The following SGCZ variants were observed in gnomAD, a reference collection of about 807,000 sequenced individuals.
SGCZ encodes sarcoglycan zeta.
Under a neutral mutation model 41.3 loss-of-function variants are expected in SGCZ, and 40 were observed. The ratio of observed to expected loss-of-function variants is 0.97; its 90% CI spans 0.75 to 1.26. The LOEUF (loss-of-function observed/expected upper bound fraction) is 1.26. SGCZ is among the 50% of genes most tolerant of loss of function. The pLI is 0.00. For synonymous variants in SGCZ, 206 were observed against 137.5 expected, an observed-to-expected ratio of 1.50 and a Z score of -3.49; for missense variants, 552 against 369.8, an observed-to-expected ratio of 1.49 and a Z score of -4.04.
intron 1 of SGCZ, among the ~76,000 whole-genome samples, chr8:15,190,948 G>A: frequency 6.6e-6 from 1 of 151,982 alleles, no homozygotes; most frequent in East Asian, 1.9e-4. Context: ...CTTTTCTCAA[G>A]AGTGGACTAT....
intron 1 of SGCZ, among the ~76,000 whole-genome samples, chr8:14,819,830 C>G (rs776904078): frequency 6.6e-6 from 1 of 151,728 alleles, no homozygotes; most frequent in Non-Finnish European, 1.5e-5. Flanking sequence ...TATGTTAGCA[C>G]AATAGTAACC....
rs1033968193 is a variant in SGCZ, at chr8:14,087,261, G to C, written c.*3182C>G. ...ACCGGATAGAAATTTTGGAAATGTTGAACAAGGGAAGTAGGAAATTTGGAA... is the reference window on the plus strand; with the variant it reads ...ACCGGATAGAAATTTTGGAAATGTTCAACAAGGGAAGTAGGAAATTTGGAA... On this transcript the variant is annotated 3_prime_UTR_variant, in exon 8 of 8. Coordinates refer to ENST00000382080, the MANE Select transcript of SGCZ (RefSeq NM_139167.4). Among the ~76,000 whole-genome samples, 2 of 151,168 alleles carry C rather than the reference G, an allele frequency of 1.3e-5. No individual in the cohort carries two copies. Among genetic ancestry groups the C allele is most frequent in the African/African-American group, 4.8e-5 (2 of 41,294 alleles).
intron 1 of SGCZ, among the ~76,000 whole-genome samples, chr8:14,794,269 G>C (rs1466553312): frequency 1.3e-5 from 2 of 152,084 alleles, no homozygotes; most frequent in Non-Finnish European, 2.9e-5. Flanking sequence ...ACAGTAAATA[G>C]TAGGATGCAA....
intron 1 of SGCZ, among the ~76,000 whole-genome samples, chr8:15,091,622 G>A (rs928504962): frequency 3.3e-5 from 5 of 152,062 alleles, no homozygotes; most frequent in South Asian, 2.1e-4. Flanking sequence ...CAGATCTGCT[G>A]GAGATGGAAC....
intron 2 of SGCZ, among the ~76,000 whole-genome samples, chr8:14,454,798 G>A (rs570855939): frequency 5.9e-5 from 9 of 152,064 alleles, no homozygotes; most frequent in African/African-American, 1.4e-4. Context: ...AGCTTTTAAC[G>A]GAGGGTGCTG....
chr8:14,725,548 A>C (rs1431978382), intron 1 of SGCZ, among the ~76,000 whole-genome samples: 2 of 152,226 alleles, frequency 1.3e-5, no homozygotes, highest in East Asian at 3.8e-4. Context: ...AAAAATAATC[A>C]GAAGCAAGAA....
Position 14,793,046 on chromosome 8 carries a change from T to A in SGCZ, c.40-238120A>T, listed in dbSNP as rs756004271. ...GAATTACAATATAAAAGATACTAAA[T>A]ACAATATGTGATCTATCTCCACCAT... On this transcript the variant is annotated intron_variant, in intron 1 of 7. Coordinates refer to ENST00000382080, the MANE Select transcript of SGCZ (RefSeq NM_139167.4). Among the ~76,000 whole-genome samples, 18 of 152,240 alleles carry A rather than the reference T, an allele frequency of 1.2e-4. 1 individual carries two copies. The highest frequency in any genetic ancestry group is 9.8e-4 in the Admixed American group (15 of 15,278).
rs201655027 is a variant in SGCZ, at chr8:14,625,016, A to AT, written c.40-70091dup. On this transcript the variant is annotated intron_variant, in intron 1 of 7. Coordinates refer to ENST00000382080, the MANE Select transcript of SGCZ (RefSeq NM_139167.4). The stretch of plus-strand genomic sequence containing the variant: ...TCTTAGGTATAATCTTCTGTTAGTC[A>AT]TTTTTTTTAATATTTAAAGGTAGTT... Among the ~76,000 whole-genome samples the AT allele has an allele frequency of 2.2e-3, 330 of 151,870 alleles. 1 individual carries two copies. Among genetic ancestry groups the AT allele is most frequent in the Middle Eastern group, 6.8e-3 (2 of 292 alleles).
At chr8:14,374,519 T>C (rs1160671736) in intron 2 of SGCZ, among the ~76,000 whole-genome samples, 2 of 152,144 alleles carry the variant, frequency 1.3e-5, no homozygotes, top group Non-Finnish European at 2.9e-5. Context: ...TGAATGAGAC[T>C]AAAAGAAGAT....
chr8:14,544,094 A>T (rs1803551628), intron 2 of SGCZ, among the ~76,000 whole-genome samples: 1 of 152,170 alleles, frequency 6.6e-6, no homozygotes, highest in South Asian at 2.1e-4. Flanking sequence ...TTGTTGTGGG[A>T]AGTCAGGGAC....
chr8:14,922,108 G>T (rs1217391400), intron 1 of SGCZ, among the ~76,000 whole-genome samples: 1 of 152,026 alleles, frequency 6.6e-6, no homozygotes, highest in African/African-American at 2.4e-5. Context: ...TTAGCTGCTT[G>T]ATTTCAAATA....
intron 1 of SGCZ, among the ~76,000 whole-genome samples, chr8:14,963,520 G>C (rs1801035173): frequency 6.6e-6 from 1 of 151,826 alleles, no homozygotes; most frequent in Non-Finnish European, 1.5e-5. Context: ...TCTTTCTTTT[G>C]TATTTTTAGT....
chr8:14,629,916 G>C (rs1434631129), intron 1 of SGCZ, among the ~76,000 whole-genome samples: 4 of 152,082 alleles, frequency 2.6e-5, no homozygotes, highest in Non-Finnish European at 5.9e-5. Flanking sequence ...GGCCTAAAGA[G>C]TGGTGTTTGC....
intron 1 of SGCZ, among the ~76,000 whole-genome samples, chr8:15,104,078 G>A (rs566450002): frequency 1.8e-4 from 28 of 152,160 alleles, no homozygotes; most frequent in Admixed American, 1.4e-3. Context: ...CCTTTCTCAC[G>A]TTTCTGTAAA....
At chr8:14,831,210 A>T (rs1802515270) in intron 1 of SGCZ, among the ~76,000 whole-genome samples, 1 of 152,194 alleles carries the variant, frequency 6.6e-6, no homozygotes, top group Admixed American at 6.5e-5. Context: ...TCAAAGAAAG[A>T]TTTTCAAAGT....
At chr8:14,466,527 TC>T (rs1359989190) in intron 2 of SGCZ, among the ~76,000 whole-genome samples, 1 of 151,994 alleles carries the variant, frequency 6.6e-6, no homozygotes, top group Non-Finnish European at 1.5e-5. Flanking sequence ...TGTCATTATT[TC>T]CTTAAACATA....
chr8:14,826,416 C>T (rs1420003184), intron 1 of SGCZ, among the ~76,000 whole-genome samples: 10 of 152,052 alleles, frequency 6.6e-5, no homozygotes, highest in Non-Finnish European at 1.5e-4. Flanking sequence ...GTCTTTGTAG[C>T]AGCATCATTT....
chr8:14,274,394 A>T, intron 3 of SGCZ, among the ~76,000 whole-genome samples: 1 of 152,178 alleles, frequency 6.6e-6, no homozygotes, highest in Non-Finnish European at 1.5e-5. Flanking sequence ...TCACCTTACT[A>T]AGCTGTGTAC....
chr8:14,465,346 G>C (rs1361051355), intron 2 of SGCZ, among the ~76,000 whole-genome samples: 1 of 151,502 alleles, frequency 6.6e-6, no homozygotes, highest in Non-Finnish European at 1.5e-5. Flanking sequence ...CTTTTCTTAA[G>C]AATCTATTTT....
Sources: allele counts gnomAD v4.1 joint callset (sites outside exome capture counted in the v4.1 genomes callset), GRCh38; gene constraint gnomAD v4.1.1; transcripts MANE v1.5; gene names NCBI Gene and HGNC (gene_info 2026-07-23, HGNC 2026-07-21).